OR1F1: variants seen among roughly 807,000 people sequenced by gnomAD.
OR1F1 encodes the protein olfactory receptor 1F1.
For missense variants in OR1F1, 493 were observed against 376.3 expected (o/e 1.31, Z -2.57); for synonymous variants, 184 against 156.7 (o/e 1.17, Z -1.30).
At chr16:3,199,719 T>C (rs1179150835), upstream of OR1F1, among the ~76,000 whole-genome samples, 1 of 152,052 alleles carries the variant, frequency 6.6e-6, no homozygotes, top group Non-Finnish European at 1.5e-5. Context: ...AAAAAGGATA[T>C]TTTGAAAGTT....
At chr16:3,194,149 T>C in the OR1F1 span, among the ~76,000 whole-genome samples, 1 of 152,198 alleles carries the variant, frequency 6.6e-6, no homozygotes, top group African/African-American at 2.4e-5. Flanking sequence ...CAATCTCCTC[T>C]CTCTCTAGGA....
exon 1 of OR1F1, chr16:3,204,289 C>T (rs1466497621): frequency 9.9e-6 from 16 of 1,613,468 alleles, no homozygotes; most frequent in Admixed American, 1.7e-5. Context: ...GTTCCTCCTC[C>T]TGGGACTCTC....
upstream of OR1F1, chr16:3,204,204 T>C: frequency 6.8e-7 from 1 of 1,467,240 alleles, no homozygotes; most frequent in Admixed American, 2.2e-5. Flanking sequence ...AGCTTTTGCA[T>C]TTCGTCTTCT....
chr16:3,202,423 T>C (rs1958144821), upstream of OR1F1, among the ~76,000 whole-genome samples: 1 of 152,078 alleles, frequency 6.6e-6, no homozygotes, highest in South Asian at 2.1e-4. Flanking sequence ...ACCTGTCATT[T>C]CTCCCTAGGC....
At chr16:3,190,876 T>C in the OR1F1 span, among the ~76,000 whole-genome samples, 2 of 151,910 alleles carry the variant, frequency 1.3e-5, no homozygotes, top group East Asian at 3.9e-4. Context: ...AATACAATTA[T>C]CCTTAGGAAA....
chr16:3,191,883 G>A, the OR1F1 span, among the ~76,000 whole-genome samples: 1 of 152,138 alleles, frequency 6.6e-6, no homozygotes, highest in Non-Finnish European at 1.5e-5. Flanking sequence ...CCCACCCACT[G>A]AGTCTGCAAT....
At chr16:3,199,909 G>A (rs1596323904), upstream of OR1F1, among the ~76,000 whole-genome samples, 1 of 151,750 alleles carries the variant, frequency 6.6e-6, no homozygotes, top group Non-Finnish European at 1.5e-5. Flanking sequence ...CCAGCTACTC[G>A]GGAGGCTGAG....
the OR1F1 span, among the ~76,000 whole-genome samples, chr16:3,196,781 C>T: frequency 6.7e-6 from 1 of 149,878 alleles, no homozygotes; most frequent in Admixed American, 6.7e-5. Context: ...ACCTCCGCAT[C>T]CTGGGTTCAA....
At chr16:3,196,699 CTTTTTTTTT>C in the OR1F1 span, among the ~76,000 whole-genome samples, 1 of 123,960 alleles carries the variant, frequency 8.1e-6, no homozygotes, top group African/African-American at 3.0e-5. Flanking sequence ...TGAAATTAAT[CTTTTTTTTT>C]TTTTTTTTTT....
chr16:3,204,526 T>G, exon 1 of OR1F1: 1 of 1,614,212 alleles, frequency 6.2e-7, no homozygotes, highest in South Asian at 1.1e-5. Context: ...GACCATCTCC[T>G]TCTGTGGCTG....
At chr16:3,205,908 G>T (rs1048811585), downstream of OR1F1, among the ~76,000 whole-genome samples, 1 of 152,136 alleles carries the variant, frequency 6.6e-6, no homozygotes, top group African/African-American at 2.4e-5. Flanking sequence ...CCTTGAAAAA[G>T]AACAGAATAA....
the OR1F1 span, chr16:3,191,307 G>T: frequency 2.0e-5 from 3 of 152,368 alleles, no homozygotes; most frequent in African/African-American, 7.2e-5. Context: ...CCTCTGGCGG[G>T]TCATCTCCAT....
At chr16:3,203,153 G>A (rs766406592), upstream of OR1F1, among the ~76,000 whole-genome samples, 7 of 152,298 alleles carry the variant, frequency 4.6e-5, no homozygotes, top group Non-Finnish European at 8.8e-5. Context: ...AAGCTTTATC[G>A]TCAGTGTCGG....
At chr16:3,198,542 C>G in the OR1F1 span, among the ~76,000 whole-genome samples, 2 of 152,096 alleles carry the variant, frequency 1.3e-5, no homozygotes, top group Admixed American at 6.6e-5. Context: ...ACAGGTAGCT[C>G]TCCTGGGCCT....
At chr16:3,192,117 C>T in the OR1F1 span, among the ~76,000 whole-genome samples, 1 of 152,106 alleles carries the variant, frequency 6.6e-6, no homozygotes, top group Non-Finnish European at 1.5e-5. Context: ...AGTGCAGTGG[C>T]GCTATCTCAA....
chr16:3,204,971 G>A (rs1958187023), exon 1 of OR1F1: 1 of 1,614,068 alleles, frequency 6.2e-7, no homozygotes, highest in East Asian at 2.2e-5. Flanking sequence ...TCCACCTGTG[G>A]TTCTCACCTG....
exon 1 of OR1F1, chr16:3,204,454 G>A: frequency 6.2e-7 from 1 of 1,614,062 alleles, no homozygotes; most frequent in Non-Finnish European, 8.5e-7. Flanking sequence ...GTCTTTTGTG[G>A]ACATCTGCTT....
At chr16:3,189,655 G>C in the OR1F1 span, 11 of 151,950 alleles carry the variant, frequency 7.2e-5, no homozygotes, top group African/African-American at 2.7e-4. Flanking sequence ...CTAGGGGTAT[G>C]ATTCTCGCTT....
exon 1 of OR1F1, chr16:3,204,668 G>T (rs756880217): frequency 6.2e-7 from 1 of 1,614,028 alleles, no homozygotes; most frequent in Non-Finnish European, 8.5e-7. Flanking sequence ...CATCAGCTCT[G>T]TGCCCTGCTG....
Sources: allele counts gnomAD v4.1 joint callset (sites outside exome capture counted in the v4.1 genomes callset), GRCh38; gene constraint gnomAD v4.1.1; transcripts MANE v1.5; gene names NCBI Gene and HGNC (gene_info 2026-07-23, HGNC 2026-07-21).